Variants in URI1 observed in about 807,000 individuals in gnomAD.
The protein encoded by URI1 is URI1 prefoldin like chaperone.
In URI1, 39 loss-of-function variants were observed where a neutral mutation model predicts 60.2. The observed-to-expected ratio is 0.65, with a 90% confidence interval of 0.50 to 0.85. The LOEUF (loss-of-function observed/expected upper bound fraction) is 0.85. URI1 is among the 40% of genes least tolerant of loss of function. The probability of loss-of-function intolerance (pLI) is 0.00; values close to 1 mark genes in which losing one functional copy is unlikely to be tolerated. For synonymous variants in URI1, 251 were observed against 236.8 expected (o/e 1.06, Z -0.55); for missense variants, 691 against 665.9 (o/e 1.04, Z -0.42).
intron 1 of URI1, 54 bp downstream of exon 1, chr19:29,942,718 T>A (rs892844041): frequency 7.5e-7 from 1 of 1,340,116 alleles, no homozygotes; most frequent in Non-Finnish European, 9.6e-7. Flanking sequence ...TGCCCCTGCC[T>A]GTGCTCTGGG....
chr19:30,001,321 T>A (rs936291803), intron 4 of URI1, among the ~76,000 whole-genome samples: 2 of 151,922 alleles, frequency 1.3e-5, no homozygotes, highest in East Asian at 1.9e-4. Flanking sequence ...TTATTTATTT[T>A]TTTTAAATTG....
At chr19:29,948,010 T>C (rs335036) in intron 1 of URI1, among the ~76,000 whole-genome samples, 3,787 of 152,288 alleles carry the variant, frequency 0.025, 166 homozygotes, top group African/African-American at 0.086. Flanking sequence ...TACCTAGTTG[T>C]CCCATCAGCA....
At chr19:29,934,394 A>G (rs2054950220) in intron 1 of URI1, among the ~76,000 whole-genome samples, 1 of 152,200 alleles carries the variant, frequency 6.6e-6, no homozygotes, top group African/African-American at 2.4e-5. Context: ...TTTTCTCACA[A>G]TTCTGGAGGC....
chr19:29,981,453 G>C (rs2055596475), intron 2 of URI1, among the ~76,000 whole-genome samples: 1 of 150,780 alleles, frequency 6.6e-6, no homozygotes, highest in African/African-American at 2.4e-5. Context: ...ACTTGTGGTT[G>C]TGTTAATGGT....
intron 4 of URI1, among the ~76,000 whole-genome samples, chr19:30,002,568 C>G (rs1378156549): frequency 6.6e-6 from 1 of 151,928 alleles, no homozygotes; most frequent in Non-Finnish European, 1.5e-5. Context: ...ATACCTCATT[C>G]TATACTTCTG....
chr19:29,950,213 T>G (rs1008068076), intron 1 of URI1, among the ~76,000 whole-genome samples: 3 of 152,222 alleles, frequency 2.0e-5, no homozygotes, highest in Non-Finnish European at 4.4e-5. Context: ...TTTCATTGTT[T>G]TAGGCTTCTC....
At chr19:29,977,424 A>G (rs988107995) in intron 2 of URI1, among the ~76,000 whole-genome samples, 1 of 151,960 alleles carries the variant, frequency 6.6e-6, no homozygotes, top group Non-Finnish European at 1.5e-5. Context: ...GTAAAAGCCA[A>G]TGACTTTTTT....
intron 2 of URI1, among the ~76,000 whole-genome samples, chr19:29,984,442 C>A (rs1171654464): frequency 6.6e-6 from 1 of 151,942 alleles, no homozygotes; most frequent in African/African-American, 2.4e-5. Flanking sequence ...ATAAATAAAT[C>A]TCTTCTTTTT....
At chr19:29,970,179 T>C (rs2055441846) in intron 1 of URI1, among the ~76,000 whole-genome samples, 1 of 139,656 alleles carries the variant, frequency 7.2e-6, no homozygotes, top group African/African-American at 2.8e-5. Flanking sequence ...TGGTGAAACA[T>C]TGAGCATATA....
chr19:29,941,768 C>A (rs887581396), upstream of URI1, among the ~76,000 whole-genome samples: 2 of 151,998 alleles, frequency 1.3e-5, no homozygotes, highest in South Asian at 4.2e-4. Context: ...AATGAACATG[C>A]AAAATATAAT....
intron 4 of URI1, among the ~76,000 whole-genome samples, chr19:29,994,471 CA>C (rs1420555363): frequency 6.6e-6 from 1 of 151,992 alleles, no homozygotes; most frequent in Admixed American, 6.6e-5. Flanking sequence ...TTCTACTTTC[CA>C]TATGAATTTG....
upstream of URI1, among the ~76,000 whole-genome samples, chr19:29,939,127 A>T (rs2054999178): frequency 6.8e-6 from 1 of 146,282 alleles, no homozygotes; most frequent in African/African-American, 2.6e-5. Context: ...ACAGGCATGC[A>T]CCACCACACC....
At chr19:30,011,278 CCTCT>C (rs751421686) in intron 9 of URI1, 42 bp downstream of exon 9, 2 of 1,549,682 alleles carry the variant, frequency 1.3e-6, no homozygotes, top group Non-Finnish European at 1.7e-6. Context: ...GCTGGGCTTG[CCTCT>C]CTTTCTGCCA....
chr19:29,944,179 ATATATATATATAT>A (rs2055072963), intron 1 of URI1, among the ~76,000 whole-genome samples: 1 of 90,128 alleles, frequency 1.1e-5, no homozygotes, highest in East Asian at 3.6e-4. Flanking sequence ...ATATATATAT[ATATATATATATAT>A]AAAACTTAAC....
intron 1 of URI1, among the ~76,000 whole-genome samples, chr19:29,929,308 A>G (rs991196666): frequency 3.9e-5 from 6 of 152,066 alleles, no homozygotes; most frequent in Admixed American, 3.9e-4. Flanking sequence ...ATTAAAAAAA[A>G]ATTTAAGGCT....
chr19:29,968,403 G>A (rs764046991), intron 1 of URI1, among the ~76,000 whole-genome samples: 6 of 151,830 alleles, frequency 4.0e-5, no homozygotes, highest in Non-Finnish European at 8.8e-5. Context: ...AACAAGGCTC[G>A]CTGCCTTATG....
chr19:30,005,797 T>G, intron 6 of URI1, 89 bp downstream of exon 6: 1 of 1,253,496 alleles, frequency 8.0e-7, no homozygotes, highest in Non-Finnish European at 1.1e-6. Context: ...TATTTGGGAT[T>G]TAGAATACAC....
intron 2 of URI1, among the ~76,000 whole-genome samples, chr19:29,972,076 A>G (rs2055467200): frequency 6.6e-6 from 1 of 152,104 alleles, no homozygotes; most frequent in Admixed American, 6.6e-5. Context: ...GAGATCTCCA[A>G]GGAAATAATT....
intron 2 of URI1, among the ~76,000 whole-genome samples, chr19:29,980,785 G>C (rs1008431754): frequency 6.6e-6 from 1 of 151,460 alleles, no homozygotes; most frequent in Middle Eastern, 3.2e-3. Flanking sequence ...AGCCGGGTGC[G>C]GTGGCGCGTG....
Sources: allele counts gnomAD v4.1 joint callset (sites outside exome capture counted in the v4.1 genomes callset), GRCh38; gene constraint gnomAD v4.1.1; transcripts MANE v1.5; gene names NCBI Gene and HGNC (gene_info 2026-07-23, HGNC 2026-07-21).